The following BCR variants were observed in gnomAD, a reference collection of about 807,000 sequenced individuals.
BCR encodes the protein BCR activator of RhoGEF and GTPase.
In BCR, 58 loss-of-function variants were observed where a neutral mutation model predicts 138.6. That is an observed-to-expected ratio of 0.42 (90% confidence interval 0.34 to 0.52). BCR has a LOEUF of 0.52. BCR is among the 20% of genes least tolerant of loss of function. The pLI, the probability that BCR is intolerant of heterozygous loss-of-function variation, is 0.06. For missense variants in BCR, 1,599 were observed against 1,727.2 expected (o/e 0.93, Z 1.32); for synonymous variants, 786 against 730.1 (o/e 1.08, Z -1.23).
chr22:23,288,225 C>T (rs566055663), intron 12 of BCR, 53 bp downstream of exon 12: 2 of 1,528,600 alleles, frequency 1.3e-6, no homozygotes, highest in East Asian at 2.2e-5. Context: ...TAGGGCCAGG[C>T]TGGCAGCTCC....
chr22:23,233,468 G>A (rs2072981657), intron 1 of BCR, among the ~76,000 whole-genome samples: 1 of 152,162 alleles, frequency 6.6e-6, no homozygotes, highest in Admixed American at 6.5e-5. Flanking sequence ...TGCACGTGGT[G>A]CACGCCTGGC....
At chr22:23,229,094 T>C (rs913613810) in intron 1 of BCR, among the ~76,000 whole-genome samples, 11 of 152,250 alleles carry the variant, frequency 7.2e-5, no homozygotes, top group African/African-American at 2.4e-4. Flanking sequence ...GGATAATTTC[T>C]ATTGATCTAT....
chr22:23,294,762 G>A (rs2073826861), intron 15 of BCR, among the ~76,000 whole-genome samples: 1 of 152,210 alleles, frequency 6.6e-6, no homozygotes, highest in Admixed American at 6.5e-5. Context: ...ATCACCCTTT[G>A]AGATGCTGGT....
At chr22:23,234,926 C>T (rs1420268700) in intron 1 of BCR, among the ~76,000 whole-genome samples, 1 of 143,486 alleles carries the variant, frequency 7.0e-6, no homozygotes, top group African/African-American at 2.5e-5. Flanking sequence ...GTTGTATGGA[C>T]AGAGCCCTAC....
chr22:23,190,167 C>T (rs1382657316), intron 1 of BCR, among the ~76,000 whole-genome samples: 1 of 151,938 alleles, frequency 6.6e-6, no homozygotes, highest in East Asian at 1.9e-4. Context: ...TCCAAATTTC[C>T]CTTCTTTTTT....
chr22:23,244,117 C>T (rs527640444), intron 1 of BCR, among the ~76,000 whole-genome samples: 5 of 152,320 alleles, frequency 3.3e-5, no homozygotes, highest in Admixed American at 2.0e-4. Flanking sequence ...ATTCCACATA[C>T]TTACTGGCAG....
chr22:23,252,024 C>T lies in BCR; in HGVS notation c.1280-1775C>T, dbSNP rs149863006. 1.0e-3 allele frequency among the ~76,000 whole-genome samples: 157 copies of T among 152,354 alleles called. 1 individual carries two copies. Among genetic ancestry groups the T allele is most frequent in the Middle Eastern group, 0.01 (3 of 294 alleles). ...CTGGGAGGAAGGGAGTGATTATCTC[C>T]AGGTGCCTCTGGGAGGAATGAATTA... On this transcript the variant is annotated intron_variant, in intron 1 of 22. Transcript: ENST00000305877.
At chr22:23,249,194 C>A (rs555601569) in intron 1 of BCR, among the ~76,000 whole-genome samples, 81 of 151,976 alleles carry the variant, frequency 5.3e-4, no homozygotes, top group Non-Finnish European at 8.2e-4. Context: ...CTTTGGGAGG[C>A]CAAGGTGGGT....
chr22:23,314,409 A>G (rs2074043752), intron 21 of BCR, 143 bp from the exon 22 acceptor site: 3 of 999,894 alleles, frequency 3.0e-6, no homozygotes, highest in South Asian at 2.8e-5. Flanking sequence ...ACTGAGACCC[A>G]GAAGTACCAG....
intron 1 of BCR, among the ~76,000 whole-genome samples, chr22:23,243,158 A>G (rs1040036730): frequency 6.6e-6 from 1 of 152,136 alleles, no homozygotes; most frequent in African/African-American, 2.4e-5. Flanking sequence ...ATCTTTTGTT[A>G]TTCATACAAG....
chr22:23,285,676 ACCT>A (rs2073703491), intron 10 of BCR, among the ~76,000 whole-genome samples: 1 of 151,976 alleles, frequency 6.6e-6, no homozygotes, highest in Admixed American at 6.6e-5. Context: ...CTAGGCAAAC[ACCT>A]CCTAGTTTTT....
At chr22:23,184,732 T>G (rs1435088174) in intron 1 of BCR, among the ~76,000 whole-genome samples, 2 of 152,206 alleles carry the variant, frequency 1.3e-5, no homozygotes, top group African/African-American at 2.4e-5. Context: ...AACTCCTGCT[T>G]CTTTTAGCCC....
At position 23,315,340 on chromosome 22, in the gene BCR, A is replaced by G. The variant is rs9624081; in HGVS notation, c.3727-93A>G. ...CCAGCAGGGGTCCCCAGCACCTGAG[A>G]TGGACTTGGAGGCTTGGGCCCCAAA... On this transcript the variant is annotated intron_variant, in intron 22 of 22. Coordinates refer to ENST00000305877, the MANE Select transcript of BCR (RefSeq NM_004327.4). 4,887 of 1,167,934 alleles carry G rather than the reference A, an allele frequency of 4.2e-3. 157 individuals carry two copies. The African/African-American group carries it at 0.059, about 14-fold the overall frequency. 72.3% of individuals were successfully genotyped at this position (1,167,934 alleles called of 1,614,324 possible).
At chr22:23,264,722 C>T (rs1237689800) in intron 4 of BCR, 1 of 157,456 alleles carries the variant, frequency 6.4e-6, no homozygotes, top group East Asian at 1.9e-4. Flanking sequence ...TCCCGCCTTC[C>T]CAGGTGGTTT....
At chr22:23,292,169 A>G (rs2073795085) in intron 14 of BCR, among the ~76,000 whole-genome samples, 1 of 152,064 alleles carries the variant, frequency 6.6e-6, no homozygotes, top group African/African-American at 2.4e-5. Flanking sequence ...ATCCCCCAGG[A>G]TGGCTGCCCT....
chr22:23,228,059 G>C (rs1355963401), intron 1 of BCR, among the ~76,000 whole-genome samples: 1 of 152,176 alleles, frequency 6.6e-6, no homozygotes, highest in East Asian at 1.9e-4. Context: ...TGTGGGATCA[G>C]TAGTGATATC....
At chr22:23,288,479 C>T (rs1197342972) in intron 12 of BCR, among the ~76,000 whole-genome samples, 1 of 151,942 alleles carries the variant, frequency 6.6e-6, no homozygotes, top group Non-Finnish European at 1.5e-5. Context: ...ACACACACCC[C>T]TGCCATCTCC....
intron 1 of BCR, among the ~76,000 whole-genome samples, chr22:23,209,431 A>G (rs2072655771): frequency 6.6e-6 from 1 of 152,122 alleles, no homozygotes; most frequent in Non-Finnish European, 1.5e-5. Context: ...TTGTTTATCC[A>G]TCTCTCTGCC....
chr22:23,232,052 A>G (rs1348839440), intron 1 of BCR, among the ~76,000 whole-genome samples: 3 of 152,174 alleles, frequency 2.0e-5, no homozygotes, highest in Non-Finnish European at 2.9e-5. Context: ...CCATGTAGTA[A>G]CTAATACCTT....
Sources: allele counts gnomAD v4.1 joint callset (sites outside exome capture counted in the v4.1 genomes callset), GRCh38; gene constraint gnomAD v4.1.1; transcripts MANE v1.5; gene names NCBI Gene and HGNC (gene_info 2026-07-23, HGNC 2026-07-21).